Variants in SRPK2 observed in about 807,000 individuals in gnomAD.
SRPK2 encodes the protein SRSF protein kinase 2, also known as SFRS protein kinase 2.
Under a neutral mutation model 90.8 loss-of-function variants are expected in SRPK2, and 21 were observed. The ratio of observed to expected loss-of-function variants is 0.23; its 90% CI spans 0.16 to 0.33. The LOEUF (loss-of-function observed/expected upper bound fraction) is 0.33, where lower values mean the gene tolerates loss of function less well. SRPK2 is among the 10% of genes least tolerant of loss of function. The pLI is 1.00. For synonymous variants in SRPK2, 288 were observed against 311.1 expected (o/e 0.93, Z 0.78); for missense variants, 620 against 869.0 (o/e 0.71, Z 3.60).
chr7:105,323,425 A>C (rs1036814898), intron 2 of SRPK2, among the ~76,000 whole-genome samples: 7 of 152,190 alleles, frequency 4.6e-5, no homozygotes. Context: ...ACTTCCTCCT[A>C]AATTTCAAAT....
chr7:105,170,804 GGA>G (rs1227748135), intron 3 of SRPK2, among the ~76,000 whole-genome samples: 2 of 95,460 alleles, frequency 2.1e-5, no homozygotes, highest in Non-Finnish European at 4.1e-5. Flanking sequence ...AGGGAGGGAG[GGA>G]GAGAGAGAGG....
Position 105,146,505 on chromosome 7 carries a change from A to G in SRPK2, c.775T>C (p.Ser259Pro). Residue 259 changes from serine (S) to proline (P), a missense_variant, in exon 8 of 16, where the codon TCA becomes CCA. Physicochemically the swap from Ser to Pro is moderately conservative, Grantham distance 74 (BLOSUM62 -1). This residue lies in a region of SRPK2 where 196 missense variants were observed against 339.2 expected (regional missense o/e 0.58). Coordinates refer to ENST00000393651, the MANE Select transcript of SRPK2 (RefSeq NM_182692.3). ...TCAGCTCCCTCACCTGCAGACCCTG[A>G]AGGAGGAGGAGCACCTGCTTTCTGC... ...EWQKAGAPPP[S>P]GSAVSTAPQQ... The G allele has an allele frequency of 6.2e-7, 1 of 1,614,128 alleles. No individual in the cohort carries two copies. The highest frequency in any genetic ancestry group is 8.5e-7 in the Non-Finnish European group (1 of 1,179,996).
At chr7:105,276,435 T>C (rs1806504598) in intron 2 of SRPK2, among the ~76,000 whole-genome samples, 1 of 152,006 alleles carries the variant, frequency 6.6e-6, no homozygotes, top group African/African-American at 2.4e-5. Context: ...GGAGCCACTT[T>C]AGACTATGAC....
intron 3 of SRPK2, among the ~76,000 whole-genome samples, chr7:105,196,742 C>CT (rs918293303): frequency 1.3e-5 from 2 of 152,010 alleles, no homozygotes; most frequent in Non-Finnish European, 2.9e-5. Flanking sequence ...AGGTTCTTTG[C>CT]TTTTTTTTCC....
At chr7:105,139,008 T>G (rs577145126) in intron 11 of SRPK2, among the ~76,000 whole-genome samples, 1 of 152,180 alleles carries the variant, frequency 6.6e-6, no homozygotes, top group African/African-American at 2.4e-5. Flanking sequence ...GTGGAGGATA[T>G]ACAGTTGTTT....
At chr7:105,233,127 G>GGAAGGAAA (rs1799704441) in intron 2 of SRPK2, among the ~76,000 whole-genome samples, 1 of 148,518 alleles carries the variant, frequency 6.7e-6, no homozygotes, top group Non-Finnish European at 1.5e-5. Context: ...AAGGAAGGAA[G>GGAAGGAAA]GAAGGAAGGA....
intron 2 of SRPK2, among the ~76,000 whole-genome samples, chr7:105,367,067 GTTTTT>G (rs57405823): frequency 7.0e-6 from 1 of 143,440 alleles, no homozygotes; most frequent in African/African-American, 2.5e-5. Flanking sequence ...CTTTTTTTTT[GTTTTT>G]TTTTTTGTTT....
At chr7:105,315,931 T>G (rs1812259251) in intron 2 of SRPK2, among the ~76,000 whole-genome samples, 1 of 152,198 alleles carries the variant, frequency 6.6e-6, no homozygotes, top group Admixed American at 6.5e-5. Flanking sequence ...AAAAATTTTC[T>G]GTAGTTACTA....
upstream of SRPK2, among the ~76,000 whole-genome samples, chr7:105,390,607 G>GTTTATTTTTTTTTTT (rs1822142104): frequency 9.2e-6 from 1 of 109,010 alleles, no homozygotes; most frequent in African/African-American, 3.9e-5. Context: ...TTTTGTTTTT[G>GTTTATTTTTTTTTTT]TTTTTTTTTT....
At chr7:105,172,433 C>T (rs1019733024) in intron 3 of SRPK2, among the ~76,000 whole-genome samples, 9 of 152,158 alleles carry the variant, frequency 5.9e-5, no homozygotes, top group African/African-American at 2.2e-4. Flanking sequence ...ATTTCTTGAC[C>T]ATAGGCCTAA....
At chr7:105,389,972 A>G (rs116770906), upstream of SRPK2, among the ~76,000 whole-genome samples, 1,873 of 152,292 alleles carry the variant, frequency 0.012, 19 homozygotes, top group African/African-American at 0.03. Flanking sequence ...TTATATTCAA[A>G]AAAATATCAA....
Position 105,118,026 on chromosome 7 carries a change from CA to C in SRPK2, c.1916-5del. On this transcript the variant is annotated splice_region_variant and splice_polypyrimidine_tract_variant and intron_variant, in intron 15 of 15. Transcript: ENST00000393651. Reference sequence around the variant, plus strand: ...TTGGTGATGTGTCGCAGTTCTCCTACAGGGGAAAAAACAGGCCAATGTCAAG... The same window carrying C: ...TTGGTGATGTGTCGCAGTTCTCCTACGGGGAAAAAACAGGCCAATGTCAAG... 6.2e-7 allele frequency: 1 copy of C among 1,612,240 alleles called. No homozygotes were observed. The highest frequency in any genetic ancestry group is 1.7e-5 in the Admixed American group (1 of 59,770).
chr7:105,345,381 C>G (rs749677621), intron 2 of SRPK2, among the ~76,000 whole-genome samples: 1 of 151,958 alleles, frequency 6.6e-6, no homozygotes, highest in Non-Finnish European at 1.5e-5. Flanking sequence ...ACTTCTCTCC[C>G]GTAGATTGAA....
At chr7:105,198,844 T>C (rs1795222493) in intron 3 of SRPK2, among the ~76,000 whole-genome samples, 1 of 152,118 alleles carries the variant, frequency 6.6e-6, no homozygotes, top group South Asian at 2.1e-4. Context: ...GAGAAAGGAA[T>C]TTGTCCAAGA....
rs58288208 is a variant in SRPK2 at position 105,323,967 on chromosome 7, TTGTGTGTGTGTGTGTGTGTG to T, written c.71+64661_71+64680del. Among the ~76,000 whole-genome samples the T allele has an allele frequency of 2.8e-4, 38 of 133,894 alleles. 1 individual carries two copies. Among genetic ancestry groups the T allele is most frequent in the East Asian group, 1.3e-3 (6 of 4,756 alleles). The allele number at this position is 133,894 out of a possible 152,430, so 87.8% of individuals were successfully genotyped here. On this transcript the variant is annotated intron_variant, in intron 2 of 15. Coordinates refer to ENST00000393651, the MANE Select transcript of SRPK2 (RefSeq NM_182692.3). ...AAAAAGACTTTGGTCAGACTATTCT[TTGTGTGTGTGTGTGTGTGTG>T]TGTGTGTGTGTGTGTGTGTGTGTGT...
chr7:105,292,048 T>A (rs1809102368), intron 2 of SRPK2, among the ~76,000 whole-genome samples: 3 of 152,202 alleles, frequency 2.0e-5, no homozygotes, highest in Admixed American at 2.0e-4. Context: ...CCCGTTGCTC[T>A]CACGTGTTCC....
chr7:105,215,942 G>GCTA (rs1294181873), intron 2 of SRPK2, among the ~76,000 whole-genome samples: 2 of 151,942 alleles, frequency 1.3e-5, no homozygotes, highest in Non-Finnish European at 2.9e-5. Context: ...GATTGTCCCA[G>GCTA]CTACTGTGCA....
Position 105,348,536 on chromosome 7 carries a change from G to C in SRPK2, c.71+40112C>G, listed in dbSNP as rs187303151. ...ACCTCATGGTTCAAGCGATTCTCCC[G>C]CCTCAGCTTCCTGAGTAGCTGGCAT... On this transcript the variant is annotated intron_variant, in intron 2 of 15. Coordinates refer to ENST00000393651, the MANE Select transcript of SRPK2 (RefSeq NM_182692.3). Among the ~76,000 whole-genome samples the C allele has an allele frequency of 2.4e-3, 361 of 149,366 alleles. 9 individuals carry two copies. In the East Asian group the frequency reaches 0.048, roughly 20 times the overall value.
intron 2 of SRPK2, among the ~76,000 whole-genome samples, chr7:105,238,813 T>C (rs1800448380): frequency 6.6e-6 from 1 of 151,910 alleles, no homozygotes; most frequent in South Asian, 2.1e-4. Flanking sequence ...ATGAACACAA[T>C]GAAGAAAGTA....
Sources: gnomAD v4.1 joint callset for allele counts (sites outside exome capture counted in the v4.1 genomes callset) on GRCh38, gnomAD v4.1.1 for gene constraint, gnomAD v4.1.1 regional missense constraint, MANE v1.5 for transcripts, NCBI Gene and HGNC (gene_info 2026-07-23, HGNC 2026-07-21) for gene names.